Variants in KAT6A observed in about 807,000 individuals in gnomAD.
KAT6A encodes histone acetyltransferase KAT6A.
Under a neutral mutation model 198.4 loss-of-function variants are expected in KAT6A, and 9 were observed. That is an observed-to-expected ratio of 0.05 (90% CI 0.03 to 0.08). The LOEUF (loss-of-function observed/expected upper bound fraction) is 0.08. Among genes scored for constraint, KAT6A ranks in the 10% least tolerant of loss-of-function variants. The probability of loss-of-function intolerance (pLI) is 1.00; values close to 1 mark genes in which losing one functional copy is unlikely to be tolerated. For synonymous variants in KAT6A, 890 were observed against 883.0 expected, an observed-to-expected ratio of 1.01 and a Z score of -0.14; for missense variants, 2,077 against 2,509.9, an observed-to-expected ratio of 0.83 and a Z score of 3.69.
At chr8:41,990,141 G>T (rs1469281277) in intron 2 of KAT6A, among the ~76,000 whole-genome samples, 1 of 152,068 alleles carries the variant, frequency 6.6e-6, no homozygotes, top group Non-Finnish European at 1.5e-5. Context: ...AGCCTCTAAG[G>T]TACAACTGGG....
At chr8:42,042,518 C>T (rs1300683298) in intron 2 of KAT6A, among the ~76,000 whole-genome samples, 2 of 151,742 alleles carry the variant, frequency 1.3e-5, no homozygotes, top group Non-Finnish European at 2.9e-5. Context: ...CCTGTCAAAG[C>T]TCTACTTCCT....
chr8:41,950,027 ATC>A (rs1356106583), intron 9 of KAT6A, among the ~76,000 whole-genome samples: 2 of 152,182 alleles, frequency 1.3e-5, no homozygotes, highest in African/African-American at 2.4e-5. Flanking sequence ...GTTTTTCAAA[ATC>A]TCTCATGTTA....
At chr8:42,037,154 G>C (rs919812971) in intron 2 of KAT6A, among the ~76,000 whole-genome samples, 1 of 151,996 alleles carries the variant, frequency 6.6e-6, no homozygotes, top group African/African-American at 2.4e-5. Context: ...AATTTAATTA[G>C]TTTGGTATTT....
chr8:42,028,398 T>C (rs1473306749), intron 2 of KAT6A, among the ~76,000 whole-genome samples: 1 of 152,244 alleles, frequency 6.6e-6, no homozygotes, highest in Admixed American at 6.5e-5. Context: ...ATTTGCTTTA[T>C]GTATCTGGGT....
chr8:41,961,372 C>G (rs982799805), intron 8 of KAT6A, among the ~76,000 whole-genome samples: 1 of 152,200 alleles, frequency 6.6e-6, no homozygotes, highest in African/African-American at 2.4e-5. Context: ...CAGCAGTTCC[C>G]CTCCTATCTT....
intron 2 of KAT6A, among the ~76,000 whole-genome samples, chr8:42,034,019 T>A (rs957584239): frequency 2.0e-5 from 3 of 152,116 alleles, no homozygotes; most frequent in African/African-American, 7.2e-5. Context: ...GAAGTCAGCC[T>A]GGGAGCAGGG....
chr8:41,967,792 C>T (rs1357783137), intron 8 of KAT6A, among the ~76,000 whole-genome samples: 1 of 151,986 alleles, frequency 6.6e-6, no homozygotes, highest in African/African-American at 2.4e-5. Flanking sequence ...ATCAATGGAA[C>T]AGAACAGAGC....
chr8:42,011,387 G>A (rs941613260), intron 2 of KAT6A, among the ~76,000 whole-genome samples: 1 of 152,126 alleles, frequency 6.6e-6, no homozygotes, highest in Non-Finnish European at 1.5e-5. Flanking sequence ...CAATAGACTA[G>A]TAAATGAGAC....
chr8:41,957,322 G>C (rs1403815984), intron 8 of KAT6A: 5 of 555,818 alleles, frequency 9.0e-6, no homozygotes, highest in Admixed American at 3.9e-5. Context: ...CCACAGCAAG[G>C]GTGTTTCCTT....
rs750668957 is a variant in KAT6A, at chr8:41,987,546, G to C, written c.618C>G (p.Ile206Met). ...TACCAAGACAGAAACTACAGATGGG[G>C]ATTGGTTCAGCAACCGGCTGTGAAG... Reference protein sequence around the residue: ...HEKDKPVAEPIPICSFCLGTK... With the variant: ...HEKDKPVAEPMPICSFCLGTK... Residue 206 changes from isoleucine (I) to methionine (M), a missense_variant, in exon 3 of 17, where the codon ATC (isoleucine) becomes ATG (methionine). Around this residue, in one of 13 missense-constraint regions of KAT6A, gnomAD observed 185 missense variants for 185.7 expected, o/e 1.00. Coordinates refer to ENST00000265713, the MANE Select transcript of KAT6A (RefSeq NM_006766.5). 1 of 1,610,880 alleles carries C rather than the reference G, an allele frequency of 6.2e-7. No homozygotes were observed. The highest frequency in any genetic ancestry group is 8.5e-7 in the Non-Finnish European group (1 of 1,177,228).
intron 2 of KAT6A, among the ~76,000 whole-genome samples, chr8:42,003,735 G>C (rs1825609191): frequency 6.6e-6 from 1 of 152,148 alleles, no homozygotes; most frequent in Non-Finnish European, 1.5e-5. Context: ...TCTATTTGGA[G>C]AGAAGGCCTT....
chr8:41,981,780 G>T, intron 4 of KAT6A, 59 bp downstream of exon 4: 1 of 1,010,960 alleles, frequency 9.9e-7, no homozygotes. Context: ...AGATGAAAAT[G>T]CTGGTCGTAC....
At chr8:41,955,011 A>C (rs1258428613) in intron 9 of KAT6A, among the ~76,000 whole-genome samples, 2 of 148,132 alleles carry the variant, frequency 1.4e-5, no homozygotes, top group Non-Finnish European at 3.0e-5. Context: ...AGGAGTGAAG[A>C]CAAATTTCTC....
At chr8:41,974,120 C>T (rs1823934117) in intron 8 of KAT6A, among the ~76,000 whole-genome samples, 1 of 151,994 alleles carries the variant, frequency 6.6e-6, no homozygotes, top group African/African-American at 2.4e-5. Context: ...CTCTGTCACC[C>T]AGGCTGGAGT....
intron 7 of KAT6A, 81 bp downstream of exon 7, chr8:41,976,927 T>C: frequency 4.4e-6 from 5 of 1,145,168 alleles, no homozygotes; most frequent in Non-Finnish European, 6.2e-6. Context: ...CAAATATAAA[T>C]CCATTATAGA....
At position 41,956,544 on chromosome 8, in the gene KAT6A, T is replaced by C. The variant is rs542522201; in HGVS notation, c.1483-1133A>G. The stretch of plus-strand genomic sequence containing the variant: ...ATTCATTGGTTTTATATAAATCCGT[T>C]TAAAGAAGCCTCTTCACCATAACTC... On this transcript the variant is annotated intron_variant, in intron 8 of 16. Transcript: ENST00000265713. 1.5e-4 allele frequency among the ~76,000 whole-genome samples: 23 copies of C among 152,306 alleles called. No individual in the cohort carries two copies. In the South Asian group the frequency reaches 4.8e-3, roughly 32 times the overall value.
chr8:41,965,445 T>A (rs1301820499), intron 8 of KAT6A, among the ~76,000 whole-genome samples: 1 of 152,224 alleles, frequency 6.6e-6, no homozygotes, highest in East Asian at 1.9e-4. Context: ...CTAAGCTGTA[T>A]CTATGCCCTC....
rs139350181 is a variant in KAT6A, at chr8:41,983,133, T to C, written c.710-1179A>G. 2.3e-3 allele frequency among the ~76,000 whole-genome samples: 352 copies of C among 152,340 alleles called. 2 individuals carry two copies. Among genetic ancestry groups the C allele is most frequent in the African/African-American group, 7.4e-3 (308 of 41,582 alleles). ...CTCTTCCAAGAGTCAGTTATCAGTC[T>C]GATTCTCAAAAATTAAGGGTAGCCA... On this transcript the variant is annotated intron_variant, in intron 3 of 16. Transcript: ENST00000265713.
At chr8:42,034,454 G>A (rs780639563) in intron 2 of KAT6A, among the ~76,000 whole-genome samples, 4 of 152,308 alleles carry the variant, frequency 2.6e-5, no homozygotes, top group Middle Eastern at 3.4e-3. Context: ...AGCAACGCAC[G>A]GGAATGGGTT....
Sources: allele counts gnomAD v4.1 joint callset (sites outside exome capture counted in the v4.1 genomes callset), GRCh38; gene constraint gnomAD v4.1.1; regional missense constraint gnomAD v4.1.1; transcripts MANE v1.5; gene names NCBI Gene and HGNC (gene_info 2026-07-23, HGNC 2026-07-21).